Variants in MDGA2 observed in about 807,000 individuals in gnomAD.
MDGA2 encodes MAM domain containing glycosylphosphatidylinositol anchor 2.
MDGA2 carries 40 observed loss-of-function variants against 117.8 expected under a neutral mutation model. That is an observed-to-expected ratio of 0.34 (90% CI 0.26 to 0.44). The LOEUF is 0.44. Ranked by LOEUF, MDGA2 falls within the 20% of genes least tolerant of loss-of-function variation. MDGA2 has a pLI of 1.00. For synonymous variants in MDGA2, 452 were observed against 439.0 expected, an observed-to-expected ratio of 1.03 and a Z score of -0.37; for missense variants, 1,123 against 1,250.6, an observed-to-expected ratio of 0.90 and a Z score of 1.54.
intron 1 of MDGA2, among the ~76,000 whole-genome samples, chr14:47,319,936 T>C (rs1261645992): frequency 6.6e-6 from 1 of 152,104 alleles, no homozygotes; most frequent in Non-Finnish European, 1.5e-5. Flanking sequence ...CCCTAATACA[T>C]ATACAGATGT....
chr14:47,587,147 TG>T (rs1896340619), intron 1 of MDGA2, among the ~76,000 whole-genome samples: 1 of 151,628 alleles, frequency 6.6e-6, no homozygotes, highest in African/African-American at 2.4e-5. Flanking sequence ...CAAAATACGC[TG>T]GGGCCTATCA....
At chr14:46,883,677 C>T (rs73252355) in intron 10 of MDGA2, among the ~76,000 whole-genome samples, 5,404 of 152,062 alleles carry the variant, frequency 0.036, 329 homozygotes, top group African/African-American at 0.12. Context: ...TGCATATACA[C>T]TTGAATGTCT....
intron 3 of MDGA2, among the ~76,000 whole-genome samples, chr14:47,181,685 TA>T (rs996495928): frequency 3.3e-5 from 5 of 152,336 alleles, no homozygotes; most frequent in East Asian, 1.9e-4. Flanking sequence ...TCTTCTCAAT[TA>T]TTTTTTTTCC....
At chr14:47,312,627 C>A (rs1566733665) in intron 1 of MDGA2, among the ~76,000 whole-genome samples, 1 of 151,540 alleles carries the variant, frequency 6.6e-6, no homozygotes, top group African/African-American at 2.4e-5. Context: ...TCTCAACCTC[C>A]TGAGCAGCTA....
chr14:47,132,857 A>G (rs201123446), intron 4 of MDGA2, among the ~76,000 whole-genome samples: 2 of 151,894 alleles, frequency 1.3e-5, no homozygotes, highest in East Asian at 3.9e-4. Context: ...CCTGGGTAAC[A>G]TTTGTCGAGT....
intron 9 of MDGA2, among the ~76,000 whole-genome samples, chr14:46,956,718 GA>G (rs1252274551): frequency 6.6e-6 from 1 of 151,824 alleles, no homozygotes; most frequent in Non-Finnish European, 1.5e-5. Context: ...TATTATTATT[GA>G]AACACTCAAA....
chr14:47,049,403 C>G (rs1411493786), intron 7 of MDGA2, among the ~76,000 whole-genome samples: 1 of 144,504 alleles, frequency 6.9e-6, no homozygotes, highest in African/African-American at 2.5e-5. Flanking sequence ...CTCATCTTCC[C>G]ACACATGTTA....
At chr14:47,350,043 T>C (rs1890845207) in intron 1 of MDGA2, among the ~76,000 whole-genome samples, 1 of 152,248 alleles carries the variant, frequency 6.6e-6, no homozygotes, top group Non-Finnish European at 1.5e-5. Flanking sequence ...GAAGTCAGCA[T>C]ATGACTGACT....
intron 3 of MDGA2, among the ~76,000 whole-genome samples, chr14:47,160,419 A>G (rs899117226): frequency 3.9e-5 from 6 of 152,188 alleles, no homozygotes; most frequent in Non-Finnish European, 8.8e-5. Flanking sequence ...AAAGCAGCTG[A>G]GAAGTGGCTC....
intron 1 of MDGA2, among the ~76,000 whole-genome samples, chr14:47,560,464 T>C (rs1279177430): frequency 2.6e-5 from 4 of 152,202 alleles, no homozygotes; most frequent in Non-Finnish European, 5.9e-5. Context: ...ATTAGTGATA[T>C]TGAGCATTTT....
intron 1 of MDGA2, among the ~76,000 whole-genome samples, chr14:47,587,352 T>A (rs1026572276): frequency 5.3e-5 from 8 of 151,756 alleles, no homozygotes; most frequent in Admixed American, 6.6e-5. Flanking sequence ...TTACTTTTTT[T>A]AAAAAAAGTA....
intron 10 of MDGA2, among the ~76,000 whole-genome samples, chr14:46,886,293 T>C (rs1882674063): frequency 6.6e-6 from 1 of 152,090 alleles, no homozygotes; most frequent in Admixed American, 6.6e-5. Context: ...AATTGTAGAC[T>C]CTTCATAAAC....
intron 14 of MDGA2, among the ~76,000 whole-genome samples, chr14:46,860,811 C>T (rs1017665162): frequency 7.2e-5 from 11 of 151,840 alleles, no homozygotes; most frequent in Admixed American, 2.0e-4. Context: ...TATATTCTTT[C>T]GTAAAGTTCA....
intron 7 of MDGA2, among the ~76,000 whole-genome samples, chr14:47,057,944 A>G (rs1889746119): frequency 1.3e-5 from 2 of 151,924 alleles, no homozygotes; most frequent in Non-Finnish European, 2.9e-5. Context: ...AAATCAGATC[A>G]TTGTCTTTTG....
At chr14:47,035,988 G>C (rs549829959) in intron 7 of MDGA2, among the ~76,000 whole-genome samples, 1 of 151,826 alleles carries the variant, frequency 6.6e-6, no homozygotes, top group East Asian at 1.9e-4. Flanking sequence ...TTATAATTTT[G>C]GTCTTGCGCG....
chr14:47,451,094 C>T (rs890300258), intron 1 of MDGA2, among the ~76,000 whole-genome samples: 4 of 152,098 alleles, frequency 2.6e-5, no homozygotes, highest in Admixed American at 6.6e-5. Context: ...TACTACAACC[C>T]TCTGACTCCT....
intron 1 of MDGA2, among the ~76,000 whole-genome samples, chr14:47,536,888 G>A (rs17758796): frequency 0.078 from 11,945 of 152,238 alleles, 745 homozygotes; most frequent in Non-Finnish European, 0.1. Flanking sequence ...GCCATCAAGA[G>A]ATTTCAGAGG....
At chr14:47,314,511 C>T (rs568610732) in intron 1 of MDGA2, among the ~76,000 whole-genome samples, 3 of 151,864 alleles carry the variant, frequency 2.0e-5, no homozygotes, top group South Asian at 2.1e-4. Flanking sequence ...GACCTTATCT[C>T]GACAAAAGAA....
intron 7 of MDGA2, among the ~76,000 whole-genome samples, chr14:47,045,085 A>G (rs954290340): frequency 2.6e-5 from 4 of 152,208 alleles, no homozygotes; most frequent in African/African-American, 9.6e-5. Flanking sequence ...GGGATTCAAT[A>G]GAATACAAAG....
Sources: gnomAD v4.1 joint callset for allele counts (sites outside exome capture counted in the v4.1 genomes callset) on GRCh38, gnomAD v4.1.1 for gene constraint, MANE v1.5 for transcripts, NCBI Gene and HGNC (gene_info 2026-07-23, HGNC 2026-07-21) for gene names.